The following CHCHD3 variants were observed in gnomAD, a reference collection of about 807,000 sequenced individuals.
CHCHD3 encodes the protein MICOS complex subunit MIC19.
A neutral mutation model predicts 38.2 loss-of-function variants in CHCHD3; 20 were observed. That is an observed-to-expected ratio of 0.52 (90% CI 0.37 to 0.76). CHCHD3 has a LOEUF of 0.76. Among genes scored for constraint, CHCHD3 ranks in the 30% least tolerant of loss-of-function variants. The probability of loss-of-function intolerance (pLI) is 0.00; values close to 1 mark genes in which losing one functional copy is unlikely to be tolerated. For synonymous variants in CHCHD3, 82 were observed against 100.0 expected, an observed-to-expected ratio of 0.82 and a Z score of 1.07; for missense variants, 245 against 279.2, an observed-to-expected ratio of 0.88 and a Z score of 0.87.
rs149227223 is a variant in CHCHD3, at chr7:132,957,517, C to A, written c.369+17652G>T. Among the ~76,000 whole-genome samples the A allele has an allele frequency of 1.9e-3, 295 of 152,258 alleles. 1 individual carries two copies. The highest frequency in any genetic ancestry group is 6.9e-3 in the African/African-American group (285 of 41,560). ...TTTTTTTTTGAGACAGAGTCTCACT[C>A]TGTCACCCAGGCTGCAGTGCAGTGC... On this transcript the variant is annotated intron_variant, in intron 4 of 7. Coordinates refer to ENST00000262570, the MANE Select transcript of CHCHD3 (RefSeq NM_017812.4).
chr7:133,075,535 C>T (rs1814959915), intron 1 of CHCHD3, among the ~76,000 whole-genome samples: 1 of 151,664 alleles, frequency 6.6e-6, no homozygotes, highest in South Asian at 2.1e-4. Flanking sequence ...AGTTAATGCT[C>T]TCTGAGCTGA....
intron 4 of CHCHD3, among the ~76,000 whole-genome samples, chr7:132,933,064 G>C (rs978838493): frequency 2.6e-5 from 4 of 152,114 alleles, no homozygotes; most frequent in Non-Finnish European, 4.4e-5. Flanking sequence ...GGAAAACCGA[G>C]GTCTTGACCA....
chr7:132,851,417 A>G (rs968073125), intron 5 of CHCHD3, among the ~76,000 whole-genome samples: 2 of 152,124 alleles, frequency 1.3e-5, no homozygotes, highest in Non-Finnish European at 2.9e-5. Flanking sequence ...TAATTTTTCT[A>G]TTATTCTTTT....
intron 1 of CHCHD3, among the ~76,000 whole-genome samples, chr7:133,080,526 C>T (rs1562956611): frequency 1.3e-5 from 2 of 152,206 alleles, no homozygotes; most frequent in Non-Finnish European, 2.9e-5. Context: ...ATTTTTCACT[C>T]TGAGTTGCGT....
intron 2 of CHCHD3, among the ~76,000 whole-genome samples, chr7:133,054,576 C>T (rs546819513): frequency 2.0e-5 from 3 of 152,220 alleles, no homozygotes; most frequent in East Asian, 1.9e-4. Context: ...TTTATTGACA[C>T]AAAATGTGTA....
At chr7:132,879,819 T>A (rs1809008379) in intron 5 of CHCHD3, among the ~76,000 whole-genome samples, 1 of 147,232 alleles carries the variant, frequency 6.8e-6, no homozygotes, top group Non-Finnish European at 1.5e-5. Context: ...TATGAGCAAG[T>A]GAATGAAGAC....
intron 4 of CHCHD3, among the ~76,000 whole-genome samples, chr7:132,950,541 A>G (rs555764632): frequency 6.6e-6 from 1 of 152,318 alleles, no homozygotes; most frequent in Admixed American, 6.5e-5. Context: ...TGATCATAAG[A>G]CAGAGTATGT....
chr7:132,871,494 T>C (rs1808766333), intron 5 of CHCHD3, among the ~76,000 whole-genome samples: 1 of 152,172 alleles, frequency 6.6e-6, no homozygotes, highest in South Asian at 2.1e-4. Context: ...TCTAGTTACA[T>C]TTTCATTTTA....
intron 3 of CHCHD3, among the ~76,000 whole-genome samples, chr7:132,978,486 C>T (rs569578102): frequency 7.6e-4 from 115 of 152,196 alleles, no homozygotes; most frequent in Non-Finnish European, 9.4e-4. Flanking sequence ...AAGTGCCTGC[C>T]ACATATCAAA....
At chr7:132,944,966 T>C (rs778688196) in intron 4 of CHCHD3, among the ~76,000 whole-genome samples, 14 of 152,044 alleles carry the variant, frequency 9.2e-5, no homozygotes, top group Non-Finnish European at 2.1e-4. Context: ...TATAGGCAGT[T>C]ACCTAACTGA....
At chr7:133,031,010 G>A (rs1289727747) in intron 2 of CHCHD3, among the ~76,000 whole-genome samples, 1 of 152,080 alleles carries the variant, frequency 6.6e-6, no homozygotes, top group African/African-American at 2.4e-5. Flanking sequence ...TAGTCCAAGG[G>A]TCTTCTTTAA....
intron 4 of CHCHD3, among the ~76,000 whole-genome samples, chr7:132,947,450 A>C (rs1036713404): frequency 1.3e-5 from 2 of 151,870 alleles, no homozygotes; most frequent in African/African-American, 4.8e-5. Context: ...ATGTAAAATA[A>C]AAAGTTTCTA....
At chr7:133,078,221 A>C (rs1363633014) in intron 1 of CHCHD3, among the ~76,000 whole-genome samples, 1 of 152,178 alleles carries the variant, frequency 6.6e-6, no homozygotes, top group African/African-American at 2.4e-5. Context: ...AAGCAGGAGA[A>C]TCACTTGAAC....
intron 2 of CHCHD3, chr7:133,034,815 C>A: frequency 6.2e-7 from 1 of 1,611,996 alleles, no homozygotes; most frequent in South Asian, 1.1e-5. Context: ...AGAAATGGAG[C>A]TGCTATTGTT....
chr7:133,029,608 G>A (rs766186947), intron 2 of CHCHD3, among the ~76,000 whole-genome samples: 8 of 152,200 alleles, frequency 5.3e-5, no homozygotes, highest in Non-Finnish European at 1.2e-4. Flanking sequence ...AATCAGCAGC[G>A]AGCTGTTTAT....
intron 4 of CHCHD3, among the ~76,000 whole-genome samples, chr7:132,962,915 T>A (rs1339198826): frequency 6.6e-6 from 1 of 152,062 alleles, no homozygotes; most frequent in African/African-American, 2.4e-5. Context: ...CAATATATGA[T>A]CCTAGAATAC....
intron 4 of CHCHD3, among the ~76,000 whole-genome samples, chr7:132,970,817 C>A (rs969649253): frequency 5.9e-5 from 9 of 151,512 alleles, no homozygotes; most frequent in Non-Finnish European, 1.2e-4. Context: ...GTGATGATAA[C>A]AAGAAATATG....
intron 4 of CHCHD3, among the ~76,000 whole-genome samples, chr7:132,951,213 A>G (rs1183857396): frequency 6.6e-6 from 1 of 152,208 alleles, no homozygotes; most frequent in African/African-American, 2.4e-5. Context: ...TGAAAAGGCC[A>G]AGGAGGAAAC....
chr7:132,799,120 G>A (rs771008267), intron 6 of CHCHD3, among the ~76,000 whole-genome samples: 1 of 151,890 alleles, frequency 6.6e-6, no homozygotes, highest in Non-Finnish European at 1.5e-5. Context: ...TAGAAAGAGG[G>A]GAAGAGGAAT....
Sources: allele counts gnomAD v4.1 joint callset (sites outside exome capture counted in the v4.1 genomes callset), GRCh38; gene constraint gnomAD v4.1.1; transcripts MANE v1.5; gene names NCBI Gene and HGNC (gene_info 2026-07-23, HGNC 2026-07-21).